Variants in HNRNPR observed in about 807,000 individuals in gnomAD.
HNRNPR encodes heterogeneous nuclear ribonucleoprotein R.
In HNRNPR, 4 loss-of-function variants were observed where a neutral mutation model predicts 70.3. The ratio of observed to expected loss-of-function variants is 0.06; its 90% CI spans 0.03 to 0.13. HNRNPR has a LOEUF of 0.13. Ranked by LOEUF, HNRNPR falls within the 10% of genes least tolerant of loss-of-function variation. HNRNPR has a pLI of 1.00. For synonymous variants in HNRNPR, 241 were observed against 267.6 expected, an observed-to-expected ratio of 0.90 and a Z score of 0.97; for missense variants, 423 against 788.5, an observed-to-expected ratio of 0.54 and a Z score of 5.55.
rs1371983434 is a variant in HNRNPR, at chr1:23,308,869, T to A, written c.*1585A>T. On this transcript the variant is annotated 3_prime_UTR_variant, in exon 11 of 11. Transcript: ENST00000302271. ...CACCAAACAGGAACAAAACACAGAATAATGGTGTATCCATTTTAATTATTC... is the reference window on the plus strand; with the variant it reads ...CACCAAACAGGAACAAAACACAGAAAAATGGTGTATCCATTTTAATTATTC... 6.6e-6 allele frequency: 1 copy of A among 152,068 alleles called. No homozygotes were observed. Among genetic ancestry groups the A allele is most frequent in the African/African-American group, 2.4e-5 (1 of 41,450 alleles). The allele number at this position is 152,068 out of a possible 1,614,324, so 9.4% of individuals were successfully genotyped here. A position where few individuals can be genotyped will look rare whatever the true frequency, so the allele number is the denominator to read the frequency against.
intron 7 of HNRNPR, among the ~76,000 whole-genome samples, chr1:23,320,122 T>C (rs1645699085): frequency 6.6e-6 from 1 of 152,210 alleles, no homozygotes; most frequent in African/African-American, 2.4e-5. Flanking sequence ...TAGCCATCAG[T>C]GTATCCCAGG....
chr1:23,337,296 C>T (rs1329705642), intron 4 of HNRNPR, among the ~76,000 whole-genome samples: 3 of 152,096 alleles, frequency 2.0e-5, no homozygotes, highest in Admixed American at 6.5e-5. Flanking sequence ...AATTGAGTGT[C>T]GATCCCCAAA....
intron 1 of HNRNPR, among the ~76,000 whole-genome samples, chr1:23,342,570 T>C (rs1646742667): frequency 6.6e-6 from 1 of 152,156 alleles, no homozygotes. Context: ...GTGAGATGAA[T>C]ACGTTTACTG....
chr1:23,325,357 T>C (rs950846336), intron 5 of HNRNPR, among the ~76,000 whole-genome samples: 1 of 152,216 alleles, frequency 6.6e-6, no homozygotes, highest in Non-Finnish European at 1.5e-5. Flanking sequence ...TTTCTGAAGT[T>C]AAGCTCTACA....
chr1:23,326,640 C>T (rs1334633955), intron 5 of HNRNPR, among the ~76,000 whole-genome samples: 1 of 152,082 alleles, frequency 6.6e-6, no homozygotes, highest in Non-Finnish European at 1.5e-5. Context: ...CAAAAATTGG[C>T]CAGGCATGGT....
chr1:23,324,095 T>G (rs1645865338), intron 5 of HNRNPR, among the ~76,000 whole-genome samples: 1 of 149,564 alleles, frequency 6.7e-6, no homozygotes, highest in Non-Finnish European at 1.5e-5. Context: ...GGCGGATCAC[T>G]TGAGTCTAGG....
chr1:23,313,058 G>A (rs1016131975), intron 9 of HNRNPR, among the ~76,000 whole-genome samples: 7 of 151,938 alleles, frequency 4.6e-5, no homozygotes, highest in East Asian at 3.9e-4. Context: ...AACAATTACC[G>A]AAATCAGTAA....
Position 23,308,185 on chromosome 1 carries a change from G to C in HNRNPR, c.*2269C>G, listed in dbSNP as rs1460428064. 1 of 152,012 alleles carries C rather than the reference G, an allele frequency of 6.6e-6. No individual in the cohort carries two copies. Among genetic ancestry groups the C allele is most frequent in the Admixed American group, 6.5e-5 (1 of 15,284 alleles). The allele number at this position is 152,012 out of a possible 1,614,324, so 9.4% of individuals were successfully genotyped here. ...CTCTGCAAATATATTTTTAATTAGT[G>C]AAAAGGACAGAGGAGGAGGTGGCCA... On this transcript the variant is annotated 3_prime_UTR_variant, in exon 11 of 11. Transcript: ENST00000302271.
At chr1:23,332,404 T>TA (rs11445510) in intron 5 of HNRNPR, among the ~76,000 whole-genome samples, 125,136 of 145,844 alleles carry the variant, frequency 0.86, 53,702 homozygotes, top group Admixed American at 0.89. Flanking sequence ...TTATTGATAT[T>TA]AAAAAAAAAA....
chr1:23,331,025 T>A (rs1646199593), intron 5 of HNRNPR, among the ~76,000 whole-genome samples: 1 of 152,162 alleles, frequency 6.6e-6, no homozygotes, highest in African/African-American at 2.4e-5. Flanking sequence ...TCTCATGAAC[T>A]TTAACTTTAT....
chr1:23,341,130 C>G (rs1646690225), intron 1 of HNRNPR, 113 bp from the exon 2 acceptor site: 1 of 721,894 alleles, frequency 1.4e-6, no homozygotes, highest in African/African-American at 1.8e-5. Context: ...TAACCTCTAT[C>G]AAAATAATAA....
chr1:23,314,947 T>C (rs1260944851), intron 8 of HNRNPR, among the ~76,000 whole-genome samples: 1 of 152,086 alleles, frequency 6.6e-6, no homozygotes, highest in Non-Finnish European at 1.5e-5. Context: ...AAATACACTA[T>C]AGTACCTCCA....
At chr1:23,339,678 ACT>A (rs1159365467) in intron 2 of HNRNPR, among the ~76,000 whole-genome samples, 1 of 152,180 alleles carries the variant, frequency 6.6e-6, no homozygotes, top group East Asian at 1.9e-4. Flanking sequence ...TTCCAAAGTT[ACT>A]TTTTAAAAAA....
At chr1:23,330,623 G>C (rs147113551) in intron 5 of HNRNPR, among the ~76,000 whole-genome samples, 377 of 152,282 alleles carry the variant, frequency 2.5e-3, no homozygotes, top group Non-Finnish European at 3.6e-3. Flanking sequence ...ACTAGAGTAG[G>C]TCTGAGAGCT....
In HNRNPR at chr1:23,307,072, T is replaced by TA. The variant is rs1645213315; in HGVS notation, c.*3381_*3382insT. 3 of 152,034 alleles carry TA rather than the reference T, an allele frequency of 2.0e-5. No homozygotes were observed. The highest frequency in any genetic ancestry group is 4.8e-5 in the African/African-American group (2 of 41,292). The allele number at this position is 152,034 out of a possible 1,614,324, so 9.4% of individuals were successfully genotyped here. A position where few individuals can be genotyped will look rare whatever the true frequency, so the allele number is the denominator to read the frequency against. On this transcript the variant is annotated 3_prime_UTR_variant, in exon 11 of 11. Transcript: ENST00000302271. ...TACACTAATATTAACTTTGGTTAGT[T>TA]TTCTTTAAGAATATTGGTAGCTCAG... is the stretch of plus-strand genomic sequence containing the variant.
intron 7 of HNRNPR, among the ~76,000 whole-genome samples, chr1:23,319,500 A>G (rs1208504428): frequency 6.6e-6 from 1 of 151,864 alleles, no homozygotes; most frequent in African/African-American, 2.4e-5. Flanking sequence ...ACTTCTTTCT[A>G]TCTCCACTGC....
At chr1:23,333,315 T>C (rs1220171964) in intron 5 of HNRNPR, among the ~76,000 whole-genome samples, 1 of 152,210 alleles carries the variant, frequency 6.6e-6, no homozygotes. Context: ...ATTATATTCC[T>C]ATATAAAGTG....
Position 23,333,567 on chromosome 1 carries a change from G to A in HNRNPR, c.449C>T (p.Pro150Leu). ...VTTGQRKYGG[P>L]PPDSVYSGVQ... Reference sequence around the variant, plus strand: ...GCCAGAGTACACACTGTCTGGTGGAGGACCACCATACTTCCTCTGTCCTGT... The same window carrying A: ...GCCAGAGTACACACTGTCTGGTGGAAGACCACCATACTTCCTCTGTCCTGT... The change falls in exon 5 of 11, where the codon CCT (proline) becomes CTT (leucine). Residue 150 changes from proline to leucine, a missense_variant. This residue lies in a region of HNRNPR where 118 missense variants were observed against 239.3 expected (regional missense o/e 0.49). Coordinates refer to ENST00000302271, the MANE Select transcript of HNRNPR (RefSeq NM_005826.5). 6.2e-7 allele frequency: 1 copy of A among 1,613,250 alleles called. No individual in the cohort carries two copies. Among genetic ancestry groups the A allele is most frequent in the Non-Finnish European group, 8.5e-7 (1 of 1,179,260 alleles).
rs530127382 is a variant in HNRNPR, at chr1:23,343,984, G to A, written c.-10+227C>T. Among the ~76,000 whole-genome samples, 51 of 152,242 alleles carry A rather than the reference G, an allele frequency of 3.3e-4. No homozygotes were observed. The South Asian group carries it at 6.2e-3, about 19-fold the overall frequency. ...CGGAGAGCGCCCAGCGGGCCGGACCGCGGGCTAAAGGGGCGGGGGGAGGAA... is the reference window on the plus strand; with the variant it reads ...CGGAGAGCGCCCAGCGGGCCGGACCACGGGCTAAAGGGGCGGGGGGAGGAA... On this transcript the variant is annotated intron_variant, in intron 1 of 10. Coordinates refer to ENST00000302271, the MANE Select transcript of HNRNPR (RefSeq NM_005826.5).
Sources: gnomAD v4.1 joint callset for allele counts (sites outside exome capture counted in the v4.1 genomes callset) on GRCh38, gnomAD v4.1.1 for gene constraint, gnomAD v4.1.1 regional missense constraint, MANE v1.5 for transcripts, NCBI Gene and HGNC (gene_info 2026-07-23, HGNC 2026-07-21) for gene names.